The following TRHDE variants were observed in gnomAD, a reference collection of about 807,000 sequenced individuals.
TRHDE encodes thyrotropin releasing hormone degrading enzyme.
TRHDE carries 72 observed loss-of-function variants against 125.7 expected under a neutral mutation model. The observed-to-expected ratio is 0.57, with a 90% CI of 0.47 to 0.70. The LOEUF is 0.70. Ranked by LOEUF, TRHDE falls within the 30% of genes least tolerant of loss-of-function variation. TRHDE has a pLI of 0.00. For missense variants in TRHDE, 1,110 were observed against 1,327.1 expected (o/e 0.84, Z 2.54); for synonymous variants, 509 against 509.1 (o/e 1.00, Z 0.00).
chr12:72,221,016 A>G (rs1052970838), intron 2 of TRHDE, among the ~76,000 whole-genome samples: 3 of 152,136 alleles, frequency 2.0e-5, no homozygotes, highest in African/African-American at 7.2e-5. Flanking sequence ...GAAATGAGGT[A>G]TAAATATTAG....
At chr12:72,214,363 G>A (rs569857043) in intron 2 of TRHDE, among the ~76,000 whole-genome samples, 4 of 152,252 alleles carry the variant, frequency 2.6e-5, no homozygotes, top group South Asian at 2.1e-4. Flanking sequence ...AAAATGTTGC[G>A]TAATTCCTCC....
chr12:72,555,583 CT>C (rs1869882749), intron 7 of TRHDE, among the ~76,000 whole-genome samples: 1 of 151,964 alleles, frequency 6.6e-6, no homozygotes, highest in Non-Finnish European at 1.5e-5. Flanking sequence ...CTCATTTTTA[CT>C]TAATCTTAAA....
At chr12:72,303,481 A>T (rs1358691865) in intron 2 of TRHDE, among the ~76,000 whole-genome samples, 2 of 152,128 alleles carry the variant, frequency 1.3e-5, no homozygotes, top group African/African-American at 4.8e-5. Flanking sequence ...CTTAAACTAC[A>T]TGTGCATATT....
chr12:72,266,536 A>T lies in TRHDE; in HGVS notation n.280-111459A>T, dbSNP rs191896776. ...ATTTCTTTGTTCAGGGTCATACTAGATTATTCTCTATTCATTTATTAACAA... is the reference window on the plus strand; with the variant it reads ...ATTTCTTTGTTCAGGGTCATACTAGTTTATTCTCTATTCATTTATTAACAA... On this transcript the variant is annotated intron_variant and non_coding_transcript_variant, in intron 2 of 4. Coordinates refer to the TRHDE transcript ENST00000548156. Among the ~76,000 whole-genome samples the T allele has an allele frequency of 1.7e-4, 26 of 151,044 alleles. No homozygotes were observed. The East Asian group carries it at 4.3e-3, about 25-fold the overall frequency.
intron 2 of TRHDE, among the ~76,000 whole-genome samples, chr12:72,245,580 G>T (rs559564030): frequency 6.6e-6 from 1 of 152,132 alleles, no homozygotes; most frequent in South Asian, 2.1e-4. Context: ...CCTACCAGAT[G>T]CAGCAGGATA....
At chr12:72,297,501 G>A (rs972848989) in intron 2 of TRHDE, among the ~76,000 whole-genome samples, 5 of 152,172 alleles carry the variant, frequency 3.3e-5, no homozygotes, top group Admixed American at 1.3e-4. Flanking sequence ...TGGAACAAGC[G>A]TCAATAACAT....
At chr12:72,120,419 G>A (rs937046670) in intron 2 of TRHDE, among the ~76,000 whole-genome samples, 1 of 151,570 alleles carries the variant, frequency 6.6e-6, no homozygotes, top group Non-Finnish European at 1.5e-5. Context: ...CTTCCTTCCT[G>A]TCTTCCTTTA....
chr12:72,404,123 A>G (rs761750763), intron 3 of TRHDE, among the ~76,000 whole-genome samples: 11 of 152,136 alleles, frequency 7.2e-5, no homozygotes, highest in Non-Finnish European at 1.3e-4. Context: ...TGATAAAGAC[A>G]TAACCGAGGG....
At chr12:72,323,841 GGA>G (rs1186076025) in intron 2 of TRHDE, among the ~76,000 whole-genome samples, 7 of 151,760 alleles carry the variant, frequency 4.6e-5, no homozygotes, top group Admixed American at 1.3e-4. Flanking sequence ...AGAAAGAGAG[GGA>G]GAGAGAGAAA....
At chr12:72,127,173 T>C (rs1765835692) in intron 2 of TRHDE, among the ~76,000 whole-genome samples, 1 of 152,070 alleles carries the variant, frequency 6.6e-6, no homozygotes, top group African/African-American at 2.4e-5. Flanking sequence ...ATGGCTATTA[T>C]CAAAACGTTA....
At chr12:72,249,063 C>T (rs928948427) in intron 2 of TRHDE, among the ~76,000 whole-genome samples, 2 of 151,930 alleles carry the variant, frequency 1.3e-5, no homozygotes, top group Non-Finnish European at 2.9e-5. Flanking sequence ...TGCATCCTAG[C>T]ACTAAATATA....
At chr12:72,127,606 CACTT>C (rs1446845290) in intron 2 of TRHDE, among the ~76,000 whole-genome samples, 2 of 152,088 alleles carry the variant, frequency 1.3e-5, no homozygotes, top group Admixed American at 1.3e-4. Flanking sequence ...TGCATGTTCT[CACTT>C]ACAAGTTGGA....
chr12:72,212,517 A>G (rs916674224), intron 2 of TRHDE, among the ~76,000 whole-genome samples: 1 of 152,150 alleles, frequency 6.6e-6, no homozygotes, highest in Non-Finnish European at 1.5e-5. Flanking sequence ...TTCAATGACA[A>G]TATAACAAAT....
At chr12:72,190,042 C>T (rs559125692) in intron 2 of TRHDE, among the ~76,000 whole-genome samples, 31 of 152,302 alleles carry the variant, frequency 2.0e-4, no homozygotes, top group Non-Finnish European at 4.0e-4. Context: ...TGGCTTGCTA[C>T]TGGGGCCCAC....
chr12:72,220,991 A>G (rs149513704), intron 2 of TRHDE, among the ~76,000 whole-genome samples: 1 of 152,094 alleles, frequency 6.6e-6, no homozygotes, highest in Non-Finnish European at 1.5e-5. Flanking sequence ...AGCCAATGAA[A>G]CAAGAGAAGA....
intron 2 of TRHDE, among the ~76,000 whole-genome samples, chr12:72,338,312 G>C (rs777039721): frequency 6.6e-6 from 1 of 152,100 alleles, no homozygotes; most frequent in Non-Finnish European, 1.5e-5. Context: ...GTTATGTCAC[G>C]GTTAGGGTTG....
At chr12:72,095,676 C>A (rs1874898222) in intron 1 of TRHDE, among the ~76,000 whole-genome samples, 2 of 152,130 alleles carry the variant, frequency 1.3e-5, no homozygotes, top group Non-Finnish European at 2.9e-5. Context: ...GGATATTTTC[C>A]TGTAGATCTG....
chr12:72,561,981 T>A (rs1222009641), intron 7 of TRHDE, among the ~76,000 whole-genome samples, 184 bp from the exon 8 acceptor site: 1 of 152,134 alleles, frequency 6.6e-6, no homozygotes, highest in African/African-American at 2.4e-5. Context: ...GTTCGACGAC[T>A]TAATTAGGAA....
At chr12:72,629,742 C>A (rs1304325378) in intron 15 of TRHDE, among the ~76,000 whole-genome samples, 1 of 151,566 alleles carries the variant, frequency 6.6e-6, no homozygotes. Context: ...TCATTGCCAA[C>A]CACTACAAAG....
Sources: allele counts gnomAD v4.1 joint callset (sites outside exome capture counted in the v4.1 genomes callset), GRCh38; gene constraint gnomAD v4.1.1; transcripts MANE v1.5; gene names NCBI Gene and HGNC (gene_info 2026-07-23, HGNC 2026-07-21).